Variants in SBNO2 observed in about 807,000 individuals in gnomAD.
SBNO2 encodes the protein strawberry notch homolog 2, also known as protein strawberry notch homolog 2.
A neutral mutation model predicts 146.3 loss-of-function variants in SBNO2; 89 were observed. That is an observed-to-expected ratio of 0.61 (90% CI 0.51 to 0.73). The LOEUF (loss-of-function observed/expected upper bound fraction) is 0.73, where lower values mean the gene tolerates loss of function less well. Ranked by LOEUF, SBNO2 falls within the 30% of genes least tolerant of loss-of-function variation. SBNO2 has a pLI of 0.00. For missense variants in SBNO2, 2,092 were observed against 2,003.7 expected (o/e 1.04, Z -0.84); for synonymous variants, 1,147 against 892.6 (o/e 1.29, Z -5.08).
At chr19:1,142,209 TCATGATCAACCC>T (rs1568609066) in intron 4 of SBNO2, among the ~76,000 whole-genome samples, 11 of 942 alleles carry the variant, frequency 0.012, no homozygotes, top group East Asian at 0.05. Flanking sequence ...ATGACCTCCC[TCATGATCAACCC>T]TCCCTCAATG....
intron 4 of SBNO2, among the ~76,000 whole-genome samples, chr19:1,142,741 C>G (rs576391734): frequency 6.6e-6 from 1 of 152,028 alleles, no homozygotes; most frequent in East Asian, 1.9e-4. Context: ...GGGAGACGGG[C>G]AGATCACCTG....
At chr19:1,139,969 G>A (rs964121680) in intron 4 of SBNO2, among the ~76,000 whole-genome samples, 2 of 150,760 alleles carry the variant, frequency 1.3e-5, no homozygotes, top group African/African-American at 4.9e-5. Flanking sequence ...CAAAAAACTA[G>A]AGAAAAACAG....
intron 14 of SBNO2, 136 bp downstream of exon 14, chr19:1,118,875 A>T: frequency 1.1e-6 from 1 of 891,732 alleles, no homozygotes; most frequent in East Asian, 2.7e-5. Flanking sequence ...GTCTCAAAAA[A>T]ACAACAAAAA....
At chr19:1,116,549 G>C (rs569705767) in intron 16 of SBNO2, among the ~76,000 whole-genome samples, 2 of 152,276 alleles carry the variant, frequency 1.3e-5, no homozygotes, top group East Asian at 3.9e-4. Context: ...CAGCCCCCTT[G>C]TTAAAACGGC....
intron 24 of SBNO2, 70 bp downstream of exon 24, chr19:1,111,436 C>T: frequency 1.9e-6 from 2 of 1,077,314 alleles, no homozygotes; most frequent in Non-Finnish European, 2.8e-6. Context: ...CCTGCTGCCC[C>T]AGCTGCTCTG....
chr19:1,163,522 C>T (rs1438787221), intron 1 of SBNO2, among the ~76,000 whole-genome samples: 1 of 152,204 alleles, frequency 6.6e-6, no homozygotes, highest in African/African-American at 2.4e-5. Flanking sequence ...CTGAGCCCCA[C>T]GCGACTCCCG....
chr19:1,127,268 G>T (rs370393028), intron 5 of SBNO2, among the ~76,000 whole-genome samples: 2 of 152,300 alleles, frequency 1.3e-5, no homozygotes, highest in East Asian at 3.9e-4. Context: ...GACTCCCCGG[G>T]TGCGGTGGAC....
Position 1,122,822 on chromosome 19 carries a change from G to C in SBNO2, c.781-31C>G, listed in dbSNP as rs551868180. On this transcript the variant is annotated intron_variant, in intron 8 of 31. Transcript: ENST00000361757. ...GCCGGAGAGCAGGCGTCAGGGCCTG[G>C]GGGTGCTGGCCCGGCCCCTCCCCAG... 360 of 1,538,222 alleles carry C rather than the reference G, an allele frequency of 2.3e-4. 3 individuals are homozygous for C. The African/African-American group carries it at 4.5e-3, about 19-fold the overall frequency.
chr19:1,157,117 T>G lies in SBNO2; in HGVS notation c.-126-2715A>C, dbSNP rs943700287. On this transcript the variant is annotated intron_variant, in intron 1 of 31. Coordinates refer to ENST00000361757, the MANE Select transcript of SBNO2 (RefSeq NM_014963.3). The surrounding 1 kb of genome is among the most constrained non-coding windows in gnomAD (Gnocchi z 6.8). The stretch of plus-strand genomic sequence containing the variant: ...CTAGCCCTGCCTGCAGACTCGGTCC[T>G]GTCCGAGGGCCCACGCCCCCAAGGG... 6.6e-6 allele frequency among the ~76,000 whole-genome samples: 1 copy of G among 151,290 alleles called. No individual in the cohort carries two copies. Among genetic ancestry groups the G allele is most frequent in the African/African-American group, 2.4e-5 (1 of 41,064 alleles).
intron 24 of SBNO2, 135 bp downstream of exon 24, chr19:1,111,371 C>T (rs1053132161): frequency 6.3e-5 from 47 of 741,584 alleles, no homozygotes; most frequent in Non-Finnish European, 1.0e-4. Context: ...GCCTTCACAG[C>T]CCTCTCTGTC....
At position 1,110,720 on chromosome 19, in the gene SBNO2, A is replaced by G; in HGVS notation, c.3028+25T>C. On this transcript the variant is annotated intron_variant, in intron 26 of 31. Coordinates refer to ENST00000361757, the MANE Select transcript of SBNO2 (RefSeq NM_014963.3). This position sits in a 1 kb window ranked among gnomAD's most constrained non-coding sequence, Gnocchi z 4.9. ...GAGCCCCGCACCCACACCCACCCAC[A>G]CCACACCCCGGCACCTGTGCTCACC... 6.2e-7 allele frequency: 1 copy of G among 1,609,224 alleles called. No homozygotes were observed. Among genetic ancestry groups the G allele is most frequent in the Non-Finnish European group, 8.5e-7 (1 of 1,178,192 alleles).
chr19:1,168,405 C>T (rs554165378), intron 1 of SBNO2, among the ~76,000 whole-genome samples: 2 of 152,270 alleles, frequency 1.3e-5, no homozygotes, highest in East Asian at 1.9e-4. Context: ...TGAGACCCAC[C>T]CGGTAGCTTC....
chr19:1,131,385 T>C (rs1218801120), intron 4 of SBNO2, among the ~76,000 whole-genome samples: 1 of 152,096 alleles, frequency 6.6e-6, no homozygotes, highest in Non-Finnish European at 1.5e-5. Context: ...CTTGTCTCTG[T>C]AGCATTTCAG....
chr19:1,147,105 G>C (rs1011332328), intron 4 of SBNO2, among the ~76,000 whole-genome samples: 1 of 152,096 alleles, frequency 6.6e-6, no homozygotes, highest in Non-Finnish European at 1.5e-5. Flanking sequence ...CTGCTGACAC[G>C]AAGGGCCAGT....
chr19:1,120,208 C>T (rs1037585177), intron 11 of SBNO2, 185 bp from the exon 12 acceptor site: 10 of 593,186 alleles, frequency 1.7e-5, no homozygotes, highest in African/African-American at 1.5e-4. Flanking sequence ...GGCAGGCGGC[C>T]CCCACACGAC....
chr19:1,151,962 G>A (rs1439436054), intron 2 of SBNO2, among the ~76,000 whole-genome samples: 1 of 152,104 alleles, frequency 6.6e-6, no homozygotes, highest in African/African-American at 2.4e-5. Context: ...TGTGCTGGCC[G>A]GTGTATTTTT....
chr19:1,125,246 C>T (rs575406012), intron 5 of SBNO2, among the ~76,000 whole-genome samples: 19 of 150,286 alleles, frequency 1.3e-4, no homozygotes, highest in Middle Eastern at 6.9e-3. Flanking sequence ...GTAATCTCAG[C>T]TGATCAGGAG....
chr19:1,124,002 C>T lies in SBNO2; in HGVS notation c.462G>A (p.Pro154=), dbSNP rs199841873. 234 of 1,611,780 alleles carry T rather than the reference C, an allele frequency of 1.5e-4. No individual in the cohort carries two copies. In the African/African-American group the frequency reaches 2.3e-3, roughly 16 times the overall value. ...GCAGAAAGTCCTCGAAGCCTGCAAACGGCCTGCTGAGCTGGAACAGCTGGA... is the reference window on the plus strand; with the variant it reads ...GCAGAAAGTCCTCGAAGCCTGCAAATGGCCTGCTGAGCTGGAACAGCTGGA... ...THDKLFQLSR[P]FAGFEDFLPS... Residue 154 remains proline, a synonymous_variant, in exon 6 of 32, where the codon CCG becomes CCA. Coordinates refer to ENST00000361757, the MANE Select transcript of SBNO2 (RefSeq NM_014963.3).
chr19:1,108,514 C>T lies in SBNO2; in HGVS notation c.3807G>A (p.Pro1269=), dbSNP rs1265844378. 27 of 1,203,476 alleles carry T rather than the reference C, an allele frequency of 2.2e-5. No homozygotes were observed. The highest frequency in any genetic ancestry group is 2.1e-5 in the Non-Finnish European group (20 of 968,204). The allele number at this position is 1,203,476 out of a possible 1,614,324, so 74.5% of individuals were successfully genotyped here. ...LTYSPPAEAF[P]PPPHFSFPAP... is the part of the protein sequence containing the mutation. ...CCGGGAAAGAGAAGTGCGGGGGCGGCGGGAAGGCCTCGGCCGGGGGGCTGT... is the reference window on the plus strand; with the variant it reads ...CCGGGAAAGAGAAGTGCGGGGGCGGTGGGAAGGCCTCGGCCGGGGGGCTGT... The change falls in exon 32 of 32, where the codon CCG becomes CCA. Residue 1269 remains proline (P), a synonymous_variant. Coordinates refer to ENST00000361757, the MANE Select transcript of SBNO2 (RefSeq NM_014963.3).
Sources: gnomAD v4.1 joint callset for allele counts (sites outside exome capture counted in the v4.1 genomes callset) on GRCh38, gnomAD v4.1.1 for gene constraint, Gnocchi (gnomAD v3.1) non-coding constraint, MANE v1.5 for transcripts, NCBI Gene and HGNC (gene_info 2026-07-23, HGNC 2026-07-21) for gene names.